Variants in ATF6B observed in about 807,000 individuals in gnomAD.
ATF6B encodes cyclic AMP-dependent transcription factor ATF-6 beta.
ATF6B carries 50 observed loss-of-function variants against 83.5 expected under a neutral mutation model. The observed-to-expected ratio is 0.60, with a 90% CI of 0.48 to 0.76. The LOEUF (loss-of-function observed/expected upper bound fraction) is 0.76, where lower values mean the gene tolerates loss of function less well. Among genes scored for constraint, ATF6B ranks in the 30% least tolerant of loss-of-function variants. The pLI, the probability that ATF6B is intolerant of heterozygous loss-of-function variation, is 0.00. For synonymous variants in ATF6B, 344 were observed against 362.8 expected, an observed-to-expected ratio of 0.95 and a Z score of 0.59; for missense variants, 790 against 893.8, an observed-to-expected ratio of 0.88 and a Z score of 1.48.
Position 32,119,098 on chromosome 6 carries a change from T to C in ATF6B, c.1010A>G (p.Glu337Gly). Residue 337 changes from glutamate to glycine, a missense_variant, in exon 10 of 18, where the codon GAG becomes GGG. Around this residue, in one of 3 missense-constraint regions of ATF6B, gnomAD observed 530 missense variants for 632.6 expected, o/e 0.84. Transcript: ENST00000375203. The surrounding 1 kb of genome is among the most constrained non-coding windows in gnomAD (Gnocchi z 4.9). ...KRQQRMIKNR[E>G]SACQSRRKKK... ...CTTTCTCCGGGACTGGCAGGCTGACTCCCGGTTCTTGATCATTCGCTGCTG... is the reference window on the plus strand; with the variant it reads ...CTTTCTCCGGGACTGGCAGGCTGACCCCCGGTTCTTGATCATTCGCTGCTG... 1 of 1,612,828 alleles carries C rather than the reference T, an allele frequency of 6.2e-7. No individual in the cohort carries two copies. The highest frequency in any genetic ancestry group is 8.5e-7 in the Non-Finnish European group (1 of 1,179,776).
rs1781544923 is a variant in ATF6B at position 32,116,751 on chromosome 6, C to A, written c.1750G>T (p.Ala584Ser). 2 of 1,614,196 alleles carry A rather than the reference C, an allele frequency of 1.2e-6. No individual in the cohort carries two copies. The highest frequency in any genetic ancestry group is 1.7e-6 in the Non-Finnish European group (2 of 1,180,042). The change falls in exon 16 of 18, where the codon GCA (alanine) becomes TCA (serine). Residue 584 changes from alanine to serine, a missense_variant. Coordinates refer to ENST00000375203, the MANE Select transcript of ATF6B (RefSeq NM_004381.5). This position sits in a 1 kb window ranked among gnomAD's most constrained non-coding sequence, Gnocchi z 5.1. ...AATGTGTCTTCCCGTCGGTCAATTG[C>A]ATCCAAGAATGCTGGCTGCGAACGG... ...PDRSQPAFLD[A>S]IDRREDTFYV...
At chr6:32,120,290 G>C in intron 8 of ATF6B, 1 of 186,312 alleles carries the variant, frequency 5.4e-6, no homozygotes, top group South Asian at 1.0e-4. Context: ...AGTAGAGACG[G>C]GGTTTCACTG....
intron 6 of ATF6B, 60 bp downstream of exon 6, chr6:32,121,203 C>A (rs1007227966): frequency 5.6e-6 from 9 of 1,609,856 alleles, no homozygotes; most frequent in Admixed American, 5.0e-5. Flanking sequence ...AGCTCTCATA[C>A]CTCTAGGTCA....
rs1781578562 is a variant in ATF6B, at chr6:32,117,533, CAGA to C, written c.1532+51_1532+53del. The C allele has an allele frequency of 2.5e-6, 4 of 1,599,674 alleles. No homozygotes were observed. The highest frequency in any genetic ancestry group is 1.7e-6 in the Non-Finnish European group (2 of 1,169,952). On this transcript the variant is annotated intron_variant, in intron 13 of 17. Coordinates refer to ENST00000375203, the MANE Select transcript of ATF6B (RefSeq NM_004381.5). The surrounding 1 kb of genome is among the most constrained non-coding windows in gnomAD (Gnocchi z 5.0). The stretch of plus-strand genomic sequence containing the variant: ...GTACACAGGCCAGCCAGGCTGACTG[CAGA>C]AGGCCTTGGGAGGCCGGGGGAGCTG...
intron 4 of ATF6B, 98 bp from the exon 5 acceptor site, chr6:32,126,350 G>C: frequency 7.1e-7 from 1 of 1,412,612 alleles, no homozygotes; most frequent in Non-Finnish European, 9.5e-7. Flanking sequence ...TAGAAGTTTA[G>C]GGCTTACAAG....
rs368395176 is a variant in ATF6B, at chr6:32,117,536, A to G, written c.1532+51T>C. On this transcript the variant is annotated intron_variant, in intron 13 of 17. Transcript: ENST00000375203. The surrounding 1 kb of genome is among the most constrained non-coding windows in gnomAD (Gnocchi z 5.0). ...CACAGGCCAGCCAGGCTGACTGCAG[A>G]AGGCCTTGGGAGGCCGGGGGAGCTG... The G allele has an allele frequency of 8.7e-6, 14 of 1,600,194 alleles. No individual in the cohort carries two copies. The highest frequency in any genetic ancestry group is 4.0e-5 in the African/African-American group (3 of 74,550).
chr6:32,118,633 G>A lies in ATF6B; in HGVS notation c.1244+142C>T. On this transcript the variant is annotated intron_variant, in intron 11 of 17. Coordinates refer to ENST00000375203, the MANE Select transcript of ATF6B (RefSeq NM_004381.5). The surrounding 1 kb of genome is among the most constrained non-coding windows in gnomAD (Gnocchi z 5.2). ...ACAAATAATGGAGCAGGAAGGGGCTGGCCAGACACATCATCGGTGCCAAGG... is the reference window on the plus strand; with the variant it reads ...ACAAATAATGGAGCAGGAAGGGGCTAGCCAGACACATCATCGGTGCCAAGG... 1 of 784,288 alleles carries A rather than the reference G, an allele frequency of 1.3e-6. No individual in the cohort carries two copies. The highest frequency in any genetic ancestry group is 2.1e-6 in the Non-Finnish European group (1 of 479,640). The allele number at this position is 784,288 out of a possible 1,614,324, so 48.6% of individuals were successfully genotyped here.
rs1208272496 is a variant in ATF6B, at chr6:32,116,779, T to C, written c.1722A>G (p.Pro574=). The C allele has an allele frequency of 6.8e-6, 11 of 1,614,002 alleles. No homozygotes were observed. Among genetic ancestry groups the C allele is most frequent in the South Asian group, 2.2e-5 (2 of 91,082 alleles). ...SVGQLQLYRH[P]DRSQPAFLDA... is the part of the protein sequence containing the mutation. ...CCAAGAATGCTGGCTGCGAACGGTC[T>C]GGGTGGCGATATAGTTGCAGCTGGC... The change falls in exon 16 of 18, where the codon CCA becomes CCG. Residue 574 remains proline (P), a synonymous_variant. Transcript: ENST00000375203. The surrounding 1 kb of genome is among the most constrained non-coding windows in gnomAD (Gnocchi z 5.1).
chr6:32,121,139 C>T lies in ATF6B; in HGVS notation c.565-15G>A, dbSNP rs56156218. ...CCTATAAAAGCCTATGTGGGGCATTCCAGAGATACATTAGTCAGGAAGAGT... is the reference window on the plus strand; with the variant it reads ...CCTATAAAAGCCTATGTGGGGCATTTCAGAGATACATTAGTCAGGAAGAGT... On this transcript the variant is annotated splice_polypyrimidine_tract_variant and intron_variant, in intron 6 of 17. Coordinates refer to ENST00000375203, the MANE Select transcript of ATF6B (RefSeq NM_004381.5). The T allele has an allele frequency of 2.8e-5, 44 of 1,599,172 alleles. No homozygotes were observed. The highest frequency in any genetic ancestry group is 3.6e-5 in the Non-Finnish European group (42 of 1,172,130).
At position 32,117,284 on chromosome 6, in the gene ATF6B, T is replaced by C. The variant is rs1781568104; in HGVS notation, c.1614+39A>G. On this transcript the variant is annotated intron_variant, in intron 14 of 17. Transcript: ENST00000375203. This position sits in a 1 kb window ranked among gnomAD's most constrained non-coding sequence, Gnocchi z 5.0. ...CCCCAGACAAGGCCTTTAGCCCTTG[T>C]CTTCAAGTGGCCTTCCTTGAACCAG... 1 of 1,602,696 alleles carries C rather than the reference T, an allele frequency of 6.2e-7. No individual in the cohort carries two copies. Among genetic ancestry groups the C allele is most frequent in the East Asian group, 2.2e-5 (1 of 44,772 alleles).
chr6:32,118,613 T>C lies in ATF6B; in HGVS notation c.1244+162A>G, dbSNP rs556997015. On this transcript the variant is annotated intron_variant, in intron 11 of 17. Coordinates refer to ENST00000375203, the MANE Select transcript of ATF6B (RefSeq NM_004381.5). The surrounding 1 kb of genome is among the most constrained non-coding windows in gnomAD (Gnocchi z 5.2). Reference sequence around the variant, plus strand: ...TCCATCTCCAAGAAAAAAAGACAAATAATGGAGCAGGAAGGGGCTGGCCAG... The same window carrying C: ...TCCATCTCCAAGAAAAAAAGACAAACAATGGAGCAGGAAGGGGCTGGCCAG... Among the ~76,000 whole-genome samples, 3 of 151,928 alleles carry C rather than the reference T, an allele frequency of 2.0e-5. No individual in the cohort carries two copies. Among genetic ancestry groups the C allele is most frequent in the Admixed American group, 2.0e-4 (3 of 15,252 alleles).
At position 32,117,562 on chromosome 6, in the gene ATF6B, G is replaced by A; in HGVS notation, c.1532+25C>T. On this transcript the variant is annotated intron_variant, in intron 13 of 17. Transcript: ENST00000375203. This position sits in a 1 kb window ranked among gnomAD's most constrained non-coding sequence, Gnocchi z 5.0. ...AGGCCTTGGGAGGCCGGGGGAGCTGGATGCCCCAGCAATGAATCCCACACC... is the reference window on the plus strand; with the variant it reads ...AGGCCTTGGGAGGCCGGGGGAGCTGAATGCCCCAGCAATGAATCCCACACC... 1 of 1,611,102 alleles carries A rather than the reference G, an allele frequency of 6.2e-7. No homozygotes were observed. Among genetic ancestry groups the A allele is most frequent in the Non-Finnish European group, 8.5e-7 (1 of 1,177,946 alleles).
At position 32,115,780 on chromosome 6, in the gene ATF6B, G is replaced by A; in HGVS notation, c.2071C>T (p.His691Tyr). 1 of 1,611,864 alleles carries A rather than the reference G, an allele frequency of 6.2e-7. No individual in the cohort carries two copies. Among genetic ancestry groups the A allele is most frequent in the Non-Finnish European group, 8.5e-7 (1 of 1,178,838 alleles). The change falls in exon 18 of 18, where the codon CAC becomes TAC. Residue 691 changes from histidine to tyrosine, a missense_variant. His to Tyr is a moderately conservative substitution (Grantham distance 83). This residue lies in a region of ATF6B where 530 missense variants were observed against 632.6 expected (regional missense o/e 0.84). Transcript: ENST00000375203. Reference protein sequence around the residue: ...PLPVSAASQAHQASHQPLYLN... With the variant: ...PLPVSAASQAYQASHQPLYLN... ...TAGAGGGGCTGGTGGGAGGCCTGGTGGGCCTGGCTGGCTGCAGAGACTGGC... is the reference window on the plus strand; with the variant it reads ...TAGAGGGGCTGGTGGGAGGCCTGGTAGGCCTGGCTGGCTGCAGAGACTGGC...
rs925416787 is a variant in ATF6B at position 32,118,376 on chromosome 6, T to A, written c.1245-338A>T. Among the ~76,000 whole-genome samples the A allele has an allele frequency of 6.6e-6, 1 of 152,198 alleles. No individual in the cohort carries two copies. Among genetic ancestry groups the A allele is most frequent in the Non-Finnish European group, 1.5e-5 (1 of 68,032 alleles). On this transcript the variant is annotated intron_variant, in intron 11 of 17. Coordinates refer to ENST00000375203, the MANE Select transcript of ATF6B (RefSeq NM_004381.5). The surrounding 1 kb of genome is among the most constrained non-coding windows in gnomAD (Gnocchi z 5.2). ...GGGAGGCTGAGGTGGGCAGACTGCC[T>A]GAGCTCAGGAGTTCGAGACCAGCCT...
Position 32,127,444 on chromosome 6 carries a change from G to A in ATF6B, c.248C>T (p.Pro83Leu), listed in dbSNP as rs1782030059. ...EPPWELLPIF[P>L]DLQVKSEPSS... Reference sequence around the variant, plus strand: ...GGGAACGACAAAGACTACCTTACCTGGGAAGATCGGCAGGAGTTCCCATGG... The same window carrying A: ...GGGAACGACAAAGACTACCTTACCTAGGAAGATCGGCAGGAGTTCCCATGG... The change falls in exon 3 of 18, where the codon CCA becomes CTA. Residue 83 changes from proline to leucine, a missense_variant and splice_region_variant. By Grantham distance (98) the Pro-to-Leu change is moderately conservative. Around this residue, in one of 3 missense-constraint regions of ATF6B, gnomAD observed 253 missense variants for 243.1 expected, o/e 1.04. Transcript: ENST00000375203. 5.0e-6 allele frequency: 8 copies of A among 1,611,466 alleles called. No individual in the cohort carries two copies. The highest frequency in any genetic ancestry group is 6.8e-6 in the Non-Finnish European group (8 of 1,178,372).
rs1360229980 is a variant in ATF6B at position 32,119,500 on chromosome 6, CT to C, written c.966+323del. ...CTTATACAGTTTACCTGATTTTCCC[CT>C]AGGAGGCAGCCTCCCTCCCCAACTA... On this transcript the variant is annotated intron_variant, in intron 9 of 17. Transcript: ENST00000375203. This position sits in a 1 kb window ranked among gnomAD's most constrained non-coding sequence, Gnocchi z 4.9. Among the ~76,000 whole-genome samples, 1 of 152,128 alleles carries C rather than the reference CT, an allele frequency of 6.6e-6. No individual in the cohort carries two copies. The highest frequency in any genetic ancestry group is 1.5e-5 in the Non-Finnish European group (1 of 67,982).
Position 32,125,536 on chromosome 6 carries a change from C to T in ATF6B, c.478+581G>A, listed in dbSNP as rs1340228385. 6.6e-6 allele frequency among the ~76,000 whole-genome samples: 1 copy of T among 152,094 alleles called. No homozygotes were observed. Among genetic ancestry groups the T allele is most frequent in the African/African-American group, 2.4e-5 (1 of 41,416 alleles). ...CAGCACTTTGGGAGGCGGAGGTAGG[C>T]GACTCATGAGGTCAGGAGTTCAAGA... On this transcript the variant is annotated intron_variant, in intron 5 of 17. Transcript: ENST00000375203. This position sits in a 1 kb window ranked among gnomAD's most constrained non-coding sequence, Gnocchi z 4.1.
chr6:32,119,854 C>A lies in ATF6B; in HGVS notation c.936G>T (p.Met312Ile). 6.2e-7 allele frequency: 1 copy of A among 1,614,108 alleles called. No homozygotes were observed. The highest frequency in any genetic ancestry group is 8.5e-7 in the Non-Finnish European group (1 of 1,180,008). ...CTTCAGGCGGGCAGGAGTTTCCAGG[C>A]ATAGGAGCGGGAACGATGCTCTTCC... is the stretch of plus-strand genomic sequence containing the variant. ...PERKSIVPAP[M>I]PGNSCPPEVD... Residue 312 changes from methionine (M) to isoleucine (I), a missense_variant, in exon 9 of 18, where the codon ATG becomes ATT. Coordinates refer to ENST00000375203, the MANE Select transcript of ATF6B (RefSeq NM_004381.5). This position sits in a 1 kb window ranked among gnomAD's most constrained non-coding sequence, Gnocchi z 4.9.
At position 32,125,806 on chromosome 6, in the gene ATF6B, T is replaced by C. The variant is rs1214210470; in HGVS notation, c.478+311A>G. On this transcript the variant is annotated intron_variant, in intron 5 of 17. Transcript: ENST00000375203. This position sits in a 1 kb window ranked among gnomAD's most constrained non-coding sequence, Gnocchi z 4.1. ...TAATAAAATGTTGGGTGGAGGGGAA[T>C]CACACAGATACATATGCCCTAAACT... is the stretch of plus-strand genomic sequence containing the variant. 2.6e-5 allele frequency among the ~76,000 whole-genome samples: 4 copies of C among 152,074 alleles called. No homozygotes were observed. Among genetic ancestry groups the C allele is most frequent in the Non-Finnish European group, 5.9e-5 (4 of 68,002 alleles).
Sources: gnomAD v4.1 joint callset for allele counts (sites outside exome capture counted in the v4.1 genomes callset) on GRCh38, gnomAD v4.1.1 for gene constraint, gnomAD v4.1.1 regional missense constraint, Gnocchi (gnomAD v3.1) non-coding constraint, MANE v1.5 for transcripts, NCBI Gene and HGNC (gene_info 2026-07-23, HGNC 2026-07-21) for gene names.